The following KLHL22 variants were observed in gnomAD, a reference collection of about 807,000 sequenced individuals.
KLHL22 encodes the protein kelch like family member 22, also known as kelch-like protein 22.
Under a neutral mutation model 60.7 loss-of-function variants are expected in KLHL22, and 18 were observed. The ratio of observed to expected loss-of-function variants is 0.30; its 90% confidence interval spans 0.20 to 0.44. The LOEUF is 0.44. Ranked by LOEUF, KLHL22 falls within the 20% of genes least tolerant of loss-of-function variation. The probability of loss-of-function intolerance (pLI) is 1.00; values close to 1 mark genes in which losing one functional copy is unlikely to be tolerated. For synonymous variants in KLHL22, 355 were observed against 354.5 expected, an observed-to-expected ratio of 1.00 and a Z score of -0.01; for missense variants, 596 against 852.3, an observed-to-expected ratio of 0.70 and a Z score of 3.74.
At chr22:20,474,926 C>A (rs894561704) in intron 2 of KLHL22, among the ~76,000 whole-genome samples, 2 of 152,202 alleles carry the variant, frequency 1.3e-5, no homozygotes, top group Non-Finnish European at 2.9e-5. Context: ...CTGGTGCCTG[C>A]ACCCTCTACC....
chr22:20,450,190 G>C, intron 5 of KLHL22: 1 of 801,886 alleles, frequency 1.2e-6, no homozygotes, highest in Non-Finnish European at 2.3e-6. Flanking sequence ...TCAGTTCAAT[G>C]AACTCCGTTG....
In KLHL22 at chr22:20,465,664, T is replaced by C. The variant is rs774874685; in HGVS notation, c.394-88A>G. 2.6e-6 allele frequency: 2 copies of C among 777,134 alleles called. No individual in the cohort carries two copies. Among genetic ancestry groups the C allele is most frequent in the Admixed American group, 3.5e-5 (2 of 56,864 alleles). 48.1% of individuals were successfully genotyped at this position (777,134 alleles called of 1,614,324 possible). The stretch of plus-strand genomic sequence containing the variant: ...AGAATGATGGCAGAAATACGGGCTG[T>C]TGTGGGCCAGGCAAAGCAGAAGGGA... On this transcript the variant is annotated intron_variant, in intron 3 of 6. Transcript: ENST00000328879. The surrounding 1 kb of genome is among the most constrained non-coding windows in gnomAD (Gnocchi z 4.9).
intron 2 of KLHL22, among the ~76,000 whole-genome samples, chr22:20,476,449 G>T (rs1272544302): frequency 8.7e-5 from 10 of 115,296 alleles, no homozygotes; most frequent in African/African-American, 3.4e-4. Context: ...AAGTCTTGCT[G>T]TTGCCCAGGC....
rs182628042 is a variant in KLHL22 at position 20,491,348 on chromosome 22, C to A, written c.-33-2104G>T. On this transcript the variant is annotated intron_variant, in intron 1 of 6. Coordinates refer to ENST00000328879, the MANE Select transcript of KLHL22 (RefSeq NM_032775.4). ...ATGAACTTAATCTTCAGCCTGTCTC[C>A]CCTCTCCGGAGGTTGAGAGGTGAGG... 1.8e-3 allele frequency: 276 copies of A among 152,234 alleles called. 1 individual carries two copies. Among genetic ancestry groups the A allele is most frequent in the African/African-American group, 6.3e-3 (263 of 41,528 alleles). 9.4% of individuals were successfully genotyped at this position (152,234 alleles called of 1,614,324 possible). A position where few individuals can be genotyped will look rare whatever the true frequency, so the allele number is the denominator to read the frequency against.
At position 20,466,154 on chromosome 22, in the gene KLHL22, T is replaced by C. The variant is rs559010713; in HGVS notation, c.394-578A>G. On this transcript the variant is annotated intron_variant, in intron 3 of 6. Transcript: ENST00000328879. The stretch of plus-strand genomic sequence containing the variant: ...ACTTTGGGAGGACAAGGTGGGTGTA[T>C]CACGAGGTCAGGAGTTTGAGACCAG... 3.3e-5 allele frequency among the ~76,000 whole-genome samples: 5 copies of C among 151,906 alleles called. No homozygotes were observed. The East Asian group carries it at 5.8e-4, about 18-fold the overall frequency.
rs560963394 is a variant in KLHL22, at chr22:20,451,746, C to T, written c.1306-5070G>A. The T allele has an allele frequency of 7.0e-6, 11 of 1,570,824 alleles. No homozygotes were observed. The East Asian group carries it at 1.8e-4, about 26-fold the overall frequency. ...GTAGCATTGAATGTTACAACCCTATCATCAACAGCTGGGAAGTCGTGACAT... is the reference window on the plus strand; with the variant it reads ...GTAGCATTGAATGTTACAACCCTATTATCAACAGCTGGGAAGTCGTGACAT... On this transcript the variant is annotated intron_variant, in intron 5 of 6. Transcript: ENST00000328879.
At chr22:20,449,971 G>A (rs1353524631) in intron 5 of KLHL22, among the ~76,000 whole-genome samples, 1 of 152,200 alleles carries the variant, frequency 6.6e-6, no homozygotes, top group East Asian at 1.9e-4. Context: ...GGCGGCGGCG[G>A]CGACGCTTCG....
At chr22:20,477,948 A>G (rs1477324846) in intron 2 of KLHL22, among the ~76,000 whole-genome samples, 2 of 152,174 alleles carry the variant, frequency 1.3e-5, no homozygotes, top group African/African-American at 4.8e-5. Context: ...CCTCATCCTT[A>G]GAGAGGCGAA....
At chr22:20,478,765 C>A (rs1361368763) in intron 2 of KLHL22, among the ~76,000 whole-genome samples, 1 of 148,834 alleles carries the variant, frequency 6.7e-6, no homozygotes, top group African/African-American at 2.4e-5. Flanking sequence ...CCTCCCGCCT[C>A]GGCCTCCCAA....
At chr22:20,476,159 G>A (rs1337007079) in intron 2 of KLHL22, among the ~76,000 whole-genome samples, 3 of 152,092 alleles carry the variant, frequency 2.0e-5, no homozygotes, top group Non-Finnish European at 2.9e-5. Context: ...TACAGATCTG[G>A]CACATATTTG....
intron 5 of KLHL22, among the ~76,000 whole-genome samples, chr22:20,448,838 A>G (rs866281509): frequency 1.9e-4 from 29 of 152,180 alleles, no homozygotes; most frequent in African/African-American, 6.5e-4. Context: ...TCAGCAATCC[A>G]TGAGCATAGT....
chr22:20,484,184 G>A, intron 2 of KLHL22: 1 of 528,836 alleles, frequency 1.9e-6, no homozygotes, highest in Non-Finnish European at 3.7e-6. Flanking sequence ...GTAGAGACGG[G>A]GTTTCGCCAT....
chr22:20,448,658 G>A (rs965517586), intron 5 of KLHL22, among the ~76,000 whole-genome samples: 2 of 152,016 alleles, frequency 1.3e-5, no homozygotes, highest in Admixed American at 6.5e-5. Flanking sequence ...TCTGCCTCCC[G>A]GGTTCAAGCA....
chr22:20,451,069 AAG>A, intron 5 of KLHL22: 1 of 1,478,164 alleles, frequency 6.8e-7, no homozygotes, highest in Non-Finnish European at 9.5e-7. Flanking sequence ...CATCACTTGT[AAG>A]AGATGTTATG....
chr22:20,446,003 C>T (rs2052853700), intron 6 of KLHL22, among the ~76,000 whole-genome samples: 1 of 152,204 alleles, frequency 6.6e-6, no homozygotes, highest in Non-Finnish European at 1.5e-5. Context: ...TCAAGTGATC[C>T]TCTCGCCTTG....
intron 6 of KLHL22, among the ~76,000 whole-genome samples, chr22:20,445,504 C>T (rs2052844924): frequency 6.6e-6 from 1 of 152,192 alleles, no homozygotes; most frequent in South Asian, 2.1e-4. Flanking sequence ...CCGCGCCCGG[C>T]CACCCATCTC....
At chr22:20,489,387 T>G in intron 1 of KLHL22, 143 bp from the exon 2 acceptor site, 1 of 656,622 alleles carries the variant, frequency 1.5e-6, no homozygotes. Flanking sequence ...AATCCCCTAA[T>G]TCCTTCTCCC....
At chr22:20,481,161 T>C (rs1034822081) in intron 2 of KLHL22, 4 of 152,176 alleles carry the variant, frequency 2.6e-5, no homozygotes, top group African/African-American at 9.6e-5. Context: ...GACGTTTGGC[T>C]GGGCCAAAGT....
At chr22:20,474,279 G>A (rs1283529870) in intron 2 of KLHL22, among the ~76,000 whole-genome samples, 1 of 152,042 alleles carries the variant, frequency 6.6e-6, no homozygotes, top group African/African-American at 2.4e-5. Context: ...GATTACAGGC[G>A]TGAGCCACTG....
Sources: allele counts gnomAD v4.1 joint callset (sites outside exome capture counted in the v4.1 genomes callset), GRCh38; gene constraint gnomAD v4.1.1; non-coding constraint Gnocchi (gnomAD v3.1); transcripts MANE v1.5; gene names NCBI Gene and HGNC (gene_info 2026-07-23, HGNC 2026-07-21).